Variants in SNX3 observed in about 807,000 individuals in gnomAD.
SNX3 encodes sorting nexin-3.
In SNX3, 5 loss-of-function variants were observed where a neutral mutation model predicts 17.7. The observed-to-expected ratio is 0.28, with a 90% CI of 0.15 to 0.59. The LOEUF (loss-of-function observed/expected upper bound fraction) is 0.59, where lower values mean the gene tolerates loss of function less well. SNX3 is among the 20% of genes least tolerant of loss of function. The pLI, the probability that SNX3 is intolerant of heterozygous loss-of-function variation, is 0.88. For missense variants in SNX3, 132 were observed against 206.8 expected (o/e 0.64, Z 2.22); for synonymous variants, 91 against 76.5 (o/e 1.19, Z -0.99).
At chr6:108,221,532 C>CTTT (rs554429322) in intron 2 of SNX3, among the ~76,000 whole-genome samples, 3,709 of 57,752 alleles carry the variant, frequency 0.064, 1,323 homozygotes, top group Non-Finnish European at 0.095. Context: ...CAGTATTACA[C>CTTT]TTTTTTTTTT....
chr6:108,260,936 T>TGCCGCCGCCGCGGGCTCCCTCC lies in SNX3; in HGVS notation c.-37_-16dup, dbSNP rs1554263951. On this transcript the variant is annotated 5_prime_UTR_variant, in exon 1 of 4. Transcript: ENST00000230085. ...GTCTCCGCCATTTCGCTGTAGCTGC[T>TGCCGCCGCCGCGGGCTCCCTCC]GCCGCCGCCGCGGGCTCCCTCCGCC... The TGCCGCCGCCGCGGGCTCCCTCC allele has an allele frequency of 1.3e-5, 20 of 1,554,720 alleles. No homozygotes were observed. The highest frequency in any genetic ancestry group is 2.5e-5 in the East Asian group (1 of 39,274).
chr6:108,252,714 A>T (rs1769480677), intron 1 of SNX3, among the ~76,000 whole-genome samples: 1 of 151,718 alleles, frequency 6.6e-6, no homozygotes, highest in African/African-American at 2.4e-5. Flanking sequence ...GCTGCCACCC[A>T]CCGCAACCTC....
chr6:108,255,237 C>G (rs1396469688), intron 1 of SNX3, among the ~76,000 whole-genome samples: 1 of 152,226 alleles, frequency 6.6e-6, no homozygotes, highest in African/African-American at 2.4e-5. Flanking sequence ...CTGGAAAAGT[C>G]AGCCGTAGCT....
intron 1 of SNX3, among the ~76,000 whole-genome samples, chr6:108,234,466 G>A (rs1182460774): frequency 2.0e-5 from 3 of 151,978 alleles, no homozygotes; most frequent in Admixed American, 6.6e-5. Context: ...CAGGAGAATC[G>A]CTTGAACCCA....
chr6:108,244,672 G>C (rs879556884), intron 1 of SNX3, among the ~76,000 whole-genome samples: 1 of 21,474 alleles, frequency 4.7e-5, no homozygotes, highest in African/African-American at 1.7e-4. Context: ...TTTTTTTTTT[G>C]CTCTGTTGTT....
At chr6:108,251,196 T>G (rs904719177) in intron 1 of SNX3, among the ~76,000 whole-genome samples, 3 of 152,114 alleles carry the variant, frequency 2.0e-5, no homozygotes, top group African/African-American at 7.2e-5. Context: ...TTAATTATCA[T>G]GAAAGAATCA....
chr6:108,236,374 T>A (rs1582491124), intron 1 of SNX3, among the ~76,000 whole-genome samples: 1 of 125,424 alleles, frequency 8.0e-6, no homozygotes, highest in East Asian at 2.1e-4. Flanking sequence ...ATATTATTAT[T>A]ATTATTTTTT....
Position 108,260,769 on chromosome 6 carries a change from G to T in SNX3, c.153C>A (p.Ile51=). ...GGAGAGACGGCCTCACCTTGACCCT[G>T]ATTTCGTAAGTGGTGAAGCGGCCCC... ...VGRGRFTTYE[I]RVKTNLPIFK... Residue 51 remains isoleucine (I), a synonymous_variant, in exon 1 of 4, where the codon ATC becomes ATA. Transcript: ENST00000230085. 1 of 1,613,822 alleles carries T rather than the reference G, an allele frequency of 6.2e-7. No individual in the cohort carries two copies. The highest frequency in any genetic ancestry group is 1.1e-5 in the South Asian group (1 of 91,082).
chr6:108,218,808 T>A (rs952069704), intron 2 of SNX3, among the ~76,000 whole-genome samples: 7 of 152,174 alleles, frequency 4.6e-5, no homozygotes, highest in African/African-American at 1.7e-4. Context: ...AATGGGCAAA[T>A]CCACAGAGAA....
intron 2 of SNX3, among the ~76,000 whole-genome samples, chr6:108,216,294 G>A (rs1774575219): frequency 6.6e-6 from 1 of 152,168 alleles, no homozygotes; most frequent in Non-Finnish European, 1.5e-5. Context: ...TGGCCAGGCT[G>A]GCATTCTTTT....
At chr6:108,220,171 G>C (rs1562420794) in intron 2 of SNX3, among the ~76,000 whole-genome samples, 2 of 151,952 alleles carry the variant, frequency 1.3e-5, no homozygotes, top group African/African-American at 4.8e-5. Flanking sequence ...TATTATTGAA[G>C]AAAAATATTT....
chr6:108,232,023 T>C (rs1775176479), intron 1 of SNX3, among the ~76,000 whole-genome samples: 1 of 152,218 alleles, frequency 6.6e-6, no homozygotes, highest in African/African-American at 2.4e-5. Flanking sequence ...TATCTTGCTT[T>C]TCATTTGCAA....
intron 1 of SNX3, among the ~76,000 whole-genome samples, chr6:108,227,360 A>G (rs969816350): frequency 6.6e-6 from 1 of 152,184 alleles, no homozygotes; most frequent in Non-Finnish European, 1.5e-5. Flanking sequence ...ACTTCTGGGT[A>G]CGGAAGTCTA....
intron 1 of SNX3, among the ~76,000 whole-genome samples, chr6:108,240,631 A>AG (rs1775487251): frequency 6.6e-6 from 1 of 152,126 alleles, no homozygotes; most frequent in African/African-American, 2.4e-5. Flanking sequence ...TCACTGCTGG[A>AG]GGGGGGCCAC....
At chr6:108,229,389 TCTTTC>T (rs1048941510) in intron 1 of SNX3, among the ~76,000 whole-genome samples, 1 of 152,076 alleles carries the variant, frequency 6.6e-6, no homozygotes, top group African/African-American at 2.4e-5. Flanking sequence ...CCCCTCCTTT[TCTTTC>T]CTTTCCTCAG....
rs192947416 is a variant in SNX3, at chr6:108,244,838, G to A, written c.162+15922C>T. 1.8e-4 allele frequency among the ~76,000 whole-genome samples: 28 copies of A among 151,410 alleles called. No individual in the cohort carries two copies. In the East Asian group the frequency reaches 4.3e-3, roughly 23 times the overall value. ...GTGTTTTCAGTAGAGACGGGGTTTC[G>A]CCATGTTGCCAGTCTGGTCTCGAAC... is the stretch of plus-strand genomic sequence containing the variant. On this transcript the variant is annotated intron_variant, in intron 1 of 3. Coordinates refer to ENST00000230085, the MANE Select transcript of SNX3 (RefSeq NM_003795.6).
At chr6:108,224,582 C>G (rs754102703) in intron 1 of SNX3, among the ~76,000 whole-genome samples, 6 of 151,910 alleles carry the variant, frequency 3.9e-5, no homozygotes. Context: ...ACCTGGCCCA[C>G]TTAGCTGCTT....
intron 2 of SNX3, among the ~76,000 whole-genome samples, chr6:108,218,491 A>T (rs1270876346): frequency 1.3e-5 from 2 of 152,232 alleles, no homozygotes; most frequent in Non-Finnish European, 2.9e-5. Context: ...GGTTAAAAAG[A>T]GTTATGACCC....
chr6:108,233,622 G>A (rs1775234918), intron 1 of SNX3, among the ~76,000 whole-genome samples: 1 of 152,130 alleles, frequency 6.6e-6, no homozygotes, highest in Admixed American at 6.5e-5. Context: ...GGTGGCACAC[G>A]CCTGTAATCC....
Sources: gnomAD v4.1 joint callset for allele counts (sites outside exome capture counted in the v4.1 genomes callset) on GRCh38, gnomAD v4.1.1 for gene constraint, MANE v1.5 for transcripts, NCBI Gene and HGNC (gene_info 2026-07-23, HGNC 2026-07-21) for gene names.